The following CNTN4 variants were observed in gnomAD, a reference collection of about 807,000 sequenced individuals.
CNTN4 encodes contactin 4, also known as contactin-4.
A neutral mutation model predicts 122.5 loss-of-function variants in CNTN4; 77 were observed. The observed-to-expected ratio is 0.63, with a 90% CI of 0.52 to 0.76. The LOEUF (loss-of-function observed/expected upper bound fraction) is 0.76, where lower values mean the gene tolerates loss of function less well. Among genes scored for constraint, CNTN4 ranks in the 30% least tolerant of loss-of-function variants. CNTN4 has a pLI of 0.00. For synonymous variants in CNTN4, 512 were observed against 447.0 expected (o/e 1.15, Z -1.83); for missense variants, 1,256 against 1,259.1 (o/e 1.00, Z 0.04).
chr3:2,434,742 A>T (rs1306723314), intron 3 of CNTN4, among the ~76,000 whole-genome samples: 1 of 152,076 alleles, frequency 6.6e-6, no homozygotes, highest in Non-Finnish European at 1.5e-5. Flanking sequence ...CACACCTTGG[A>T]GCCGTTTTTG....
intron 2 of CNTN4, among the ~76,000 whole-genome samples, chr3:2,106,571 G>A (rs1182018081): frequency 6.6e-6 from 1 of 152,196 alleles, no homozygotes; most frequent in Non-Finnish European, 1.5e-5. Context: ...GGAGTGGCTG[G>A]GACGCAGGGC....
chr3:2,198,766 A>G (rs1299801566), intron 2 of CNTN4, among the ~76,000 whole-genome samples: 1 of 152,136 alleles, frequency 6.6e-6, no homozygotes, highest in Non-Finnish European at 1.5e-5. Flanking sequence ...TGCCCATTAC[A>G]CTTTATTTGA....
At chr3:2,348,804 G>A (rs1488530961) in intron 3 of CNTN4, among the ~76,000 whole-genome samples, 2 of 151,996 alleles carry the variant, frequency 1.3e-5, no homozygotes, top group African/African-American at 2.4e-5. Flanking sequence ...GAACTAATAC[G>A]AAGAAAAACA....
At chr3:3,003,854 A>G (rs1048324636) in intron 14 of CNTN4, among the ~76,000 whole-genome samples, 1 of 152,074 alleles carries the variant, frequency 6.6e-6, no homozygotes, top group Non-Finnish European at 1.5e-5. Context: ...GGCACAAGCA[A>G]TCCTTCCACC....
At chr3:3,050,251 T>C (rs1363262515) in intron 23 of CNTN4, among the ~76,000 whole-genome samples, 1 of 152,108 alleles carries the variant, frequency 6.6e-6, no homozygotes, top group African/African-American at 2.4e-5. Context: ...AAATTTTTAA[T>C]GTCTAATTTC....
chr3:2,774,526 A>G (rs2091236429), intron 6 of CNTN4, among the ~76,000 whole-genome samples: 1 of 152,132 alleles, frequency 6.6e-6, no homozygotes, highest in Non-Finnish European at 1.5e-5. Flanking sequence ...ACTGAAAAAT[A>G]ATGGTTGCTC....
At chr3:2,148,307 G>A (rs1247477992) in intron 2 of CNTN4, among the ~76,000 whole-genome samples, 1 of 152,100 alleles carries the variant, frequency 6.6e-6, no homozygotes. Context: ...GCCTAGGTGA[G>A]AGGGTCGCTT....
At chr3:2,400,464 T>C (rs1017891482) in intron 3 of CNTN4, among the ~76,000 whole-genome samples, 2 of 142,656 alleles carry the variant, frequency 1.4e-5, no homozygotes, top group Non-Finnish European at 3.1e-5. Context: ...TTTTTTTCCT[T>C]CTTCTTAAAT....
At chr3:2,578,001 C>G (rs781270488) in intron 4 of CNTN4, among the ~76,000 whole-genome samples, 79 of 152,108 alleles carry the variant, frequency 5.2e-4, no homozygotes, top group Admixed American at 1.7e-3. Context: ...ATATCTGCAT[C>G]TGGGGGCATG....
intron 3 of CNTN4, among the ~76,000 whole-genome samples, chr3:2,399,548 GT>G (rs1285294049): frequency 1.3e-5 from 2 of 151,664 alleles, no homozygotes; most frequent in Non-Finnish European, 2.9e-5. Flanking sequence ...CTGAGTCTCT[GT>G]TTTTTTCTCT....
rs1233006386 is a variant in CNTN4 at position 2,583,350 on chromosome 3, C to CA, written c.55+11797dup. On this transcript the variant is annotated intron_variant, in intron 4 of 24. Coordinates refer to ENST00000418658, the MANE Select transcript of CNTN4 (RefSeq NM_175607.3). Reference sequence around the variant, plus strand: ...GGGGGAGGGTGAGAAAACCGAAGAGCAAAAAGATTAATTCATTTGCCCAAG... The same window carrying CA: ...GGGGGAGGGTGAGAAAACCGAAGAGCAAAAAAGATTAATTCATTTGCCCAAG... Among the ~76,000 whole-genome samples the CA allele has an allele frequency of 3.3e-5, 5 of 152,270 alleles. No individual in the cohort carries two copies. The East Asian group carries it at 5.8e-4, about 18-fold the overall frequency.
chr3:2,431,577 G>A (rs573927001), intron 3 of CNTN4, among the ~76,000 whole-genome samples: 1 of 152,232 alleles, frequency 6.6e-6, no homozygotes, highest in East Asian at 1.9e-4. Context: ...GAATAGATAA[G>A]AGGAACCATA....
At chr3:2,904,867 A>G (rs2094212439) in intron 12 of CNTN4, among the ~76,000 whole-genome samples, 1 of 152,224 alleles carries the variant, frequency 6.6e-6, no homozygotes. Flanking sequence ...TAGCCAATTT[A>G]TCAGTCTAGG....
intron 3 of CNTN4, among the ~76,000 whole-genome samples, chr3:2,350,901 T>C (rs967522289): frequency 5.3e-5 from 8 of 152,200 alleles, no homozygotes; most frequent in African/African-American, 1.7e-4. Context: ...AGCCATTTGC[T>C]ACATTCCTGG....
chr3:2,433,072 C>G (rs1002509914), intron 3 of CNTN4, among the ~76,000 whole-genome samples: 1 of 152,130 alleles, frequency 6.6e-6, no homozygotes, highest in Non-Finnish European at 1.5e-5. Flanking sequence ...ATCCACCCAC[C>G]TCAGCCACAT....
intron 3 of CNTN4, among the ~76,000 whole-genome samples, chr3:2,512,973 T>C (rs530743023): frequency 8.5e-5 from 13 of 152,254 alleles, no homozygotes; most frequent in African/African-American, 3.1e-4. Context: ...AATAGATGGT[T>C]GTCTACATGA....
At chr3:2,578,046 C>T (rs2149539730) in intron 4 of CNTN4, among the ~76,000 whole-genome samples, 1 of 152,224 alleles carries the variant, frequency 6.6e-6, no homozygotes, top group African/African-American at 2.4e-5. Flanking sequence ...TCACAGGAGA[C>T]ATATTCTGAA....
At chr3:2,904,845 C>G (rs867908043) in intron 12 of CNTN4, among the ~76,000 whole-genome samples, 4 of 152,208 alleles carry the variant, frequency 2.6e-5, no homozygotes, top group African/African-American at 9.7e-5. Context: ...TGAAAACCCT[C>G]TATATGAGCG....
intron 3 of CNTN4, among the ~76,000 whole-genome samples, chr3:2,503,998 G>A (rs143006617): frequency 2.7e-3 from 406 of 152,138 alleles, no homozygotes; most frequent in Admixed American, 4.5e-3. Flanking sequence ...GTGGAGAATG[G>A]ATTTCAACTA....
Sources: allele counts gnomAD v4.1 joint callset (sites outside exome capture counted in the v4.1 genomes callset), GRCh38; gene constraint gnomAD v4.1.1; transcripts MANE v1.5; gene names NCBI Gene and HGNC (gene_info 2026-07-23, HGNC 2026-07-21).